The following GDA variants were observed in gnomAD, a reference collection of about 807,000 sequenced individuals.
The protein encoded by GDA is cytoplasmic PSD-95 interactor.
In GDA, 18 loss-of-function variants were observed where a neutral mutation model predicts 59.6. That is an observed-to-expected ratio of 0.30 (90% CI 0.21 to 0.45). The LOEUF is 0.45. GDA is among the 20% of genes least tolerant of loss of function. GDA has a pLI of 1.00. For synonymous variants in GDA, 201 were observed against 201.1 expected (o/e 1.00, Z 0.00); for missense variants, 427 against 552.3 (o/e 0.77, Z 2.27).
chr9:72,179,943 A>G (rs1399259588), intron 1 of GDA, among the ~76,000 whole-genome samples: 1 of 151,544 alleles, frequency 6.6e-6, no homozygotes, highest in Non-Finnish European at 1.5e-5. Context: ...TAAAGATGTT[A>G]TCTCTAAATA....
intron 1 of GDA, among the ~76,000 whole-genome samples, chr9:72,164,827 C>CAA (rs1207256639): frequency 7.2e-6 from 1 of 138,700 alleles, no homozygotes; most frequent in Non-Finnish European, 1.6e-5. Context: ...ACTAAAAATA[C>CAA]AAAAAAAAAA....
At chr9:72,165,012 G>A (rs1423762983) in intron 1 of GDA, among the ~76,000 whole-genome samples, 3 of 149,258 alleles carry the variant, frequency 2.0e-5, no homozygotes, top group Admixed American at 6.7e-5. Context: ...AAAATGCTCT[G>A]GCTGTCCTCT....
intron 1 of GDA, among the ~76,000 whole-genome samples, chr9:72,160,161 T>C (rs923572978): frequency 2.6e-5 from 4 of 151,640 alleles, no homozygotes; most frequent in African/African-American, 9.7e-5. Flanking sequence ...TGAAAAAAAA[T>C]TAGCTGGGCA....
In GDA at chr9:72,133,299, A is replaced by AAT. The variant is rs1554722397; in HGVS notation, c.-100+18467_-100+18468insTA. The stretch of plus-strand genomic sequence containing the variant: ...GCAAGACTCTGTCTAAAAAAAAAAA[A>AAT]AAAAAAAAAAATAATAATAATAATA... On this transcript the variant is annotated intron_variant, in intron 1 of 13. Coordinates refer to the GDA transcript ENST00000545168. 8.1e-3 allele frequency among the ~76,000 whole-genome samples: 628 copies of AAT among 77,800 alleles called. 9 individuals carry two copies. Among genetic ancestry groups the AAT allele is most frequent in the African/African-American group, 0.035 (581 of 16,824 alleles). 51.0% of individuals were successfully genotyped at this position (77,800 alleles called of 152,430 possible).
At chr9:72,176,001 T>A (rs1207134373) in intron 1 of GDA, among the ~76,000 whole-genome samples, 1 of 152,086 alleles carries the variant, frequency 6.6e-6, no homozygotes, top group Non-Finnish European at 1.5e-5. Flanking sequence ...GAAACAACAA[T>A]AAAAATGTAT....
chr9:72,200,958 A>G (rs370727996), intron 2 of GDA, among the ~76,000 whole-genome samples: 191 of 152,290 alleles, frequency 1.3e-3, no homozygotes, highest in African/African-American at 4.4e-3. Context: ...CTTTTTTTCA[A>G]GCTACATAAA....
rs1564217764 is a variant in GDA, at chr9:72,250,588, T to C, written c.*2246T>C. ...TGTTCCTGAATGTTATGTATGCTTTTTTTTCTGTACCACAGGCATTATCTA... is the reference window on the plus strand; with the variant it reads ...TGTTCCTGAATGTTATGTATGCTTTCTTTTCTGTACCACAGGCATTATCTA... On this transcript the variant is annotated 3_prime_UTR_variant, in exon 14 of 14. Coordinates refer to ENST00000358399, the MANE Select transcript of GDA (RefSeq NM_004293.5). 6 of 1,499,026 alleles carry C rather than the reference T, an allele frequency of 4.0e-6. No individual in the cohort carries two copies. In the East Asian group the frequency reaches 1.4e-4, roughly 36 times the overall value. 92.9% of individuals were successfully genotyped at this position (1,499,026 alleles called of 1,614,324 possible).
At chr9:72,218,971 C>T (rs1485790001) in intron 5 of GDA, among the ~76,000 whole-genome samples, 1 of 152,188 alleles carries the variant, frequency 6.6e-6, no homozygotes, top group East Asian at 1.9e-4. Context: ...CACTCCATCT[C>T]TGGCTGCAAG....
chr9:72,158,630 T>TA (rs1202265867), intron 1 of GDA, among the ~76,000 whole-genome samples: 2 of 152,030 alleles, frequency 1.3e-5, no homozygotes, highest in African/African-American at 4.8e-5. Flanking sequence ...AGCACCTTGA[T>TA]AGAGTTGTGA....
intron 1 of GDA, among the ~76,000 whole-genome samples, chr9:72,116,358 C>T (rs1825442557): frequency 6.6e-6 from 1 of 151,256 alleles, no homozygotes; most frequent in Non-Finnish European, 1.5e-5. Flanking sequence ...GGCTAAATGA[C>T]TCTACACCTC....
intron 1 of GDA, among the ~76,000 whole-genome samples, chr9:72,116,167 G>A (rs914587954): frequency 2.0e-5 from 3 of 151,872 alleles, no homozygotes; most frequent in African/African-American, 7.3e-5. Flanking sequence ...CTGGGAGGGG[G>A]AGGTTGCGGT....
At position 72,137,612 on chromosome 9, in the gene GDA, T is replaced by C. The variant is rs1369167246; in HGVS notation, c.-100+22779T>C. ...GTGCTTCTAGAAGCTCAAAGATCAC[T>C]GAACATTTAAGATCCTATAACTGAG... On this transcript the variant is annotated intron_variant, in intron 1 of 13. Transcript: ENST00000545168. Among the ~76,000 whole-genome samples the C allele has an allele frequency of 2.0e-5, 3 of 152,170 alleles. No homozygotes were observed. In the East Asian group the frequency reaches 5.8e-4, roughly 29 times the overall value.
At position 72,245,149 on chromosome 9, in the gene GDA, C is replaced by T. The variant is rs534339068; in HGVS notation, c.1137C>T (p.Ala379=). The T allele has an allele frequency of 1.9e-6, 3 of 1,613,560 alleles. No homozygotes were observed. The highest frequency in any genetic ancestry group is 1.3e-5 in the African/African-American group (1 of 74,966). ...TGTTTATTCACTTGTTCTCAATAGC[C>T]CTGGGGCTGGATGGTGAGATTGGAA... ...FRLATLGGSQ[A]LGLDGEIGNF... is the part of the protein sequence containing the mutation. The change falls in exon 12 of 14, where the codon GCC becomes GCT. Residue 379 remains alanine (A), a splice_region_variant and synonymous_variant. Coordinates refer to ENST00000358399, the MANE Select transcript of GDA (RefSeq NM_004293.5).
At chr9:72,140,334 C>T (rs557923510) in intron 1 of GDA, among the ~76,000 whole-genome samples, 24 of 151,994 alleles carry the variant, frequency 1.6e-4, no homozygotes, top group African/African-American at 5.1e-4. Flanking sequence ...AGGAGGGAGA[C>T]GTCAGAGAAT....
intron 1 of GDA, among the ~76,000 whole-genome samples, chr9:72,126,292 T>G (rs1280404150): frequency 2.6e-5 from 4 of 152,226 alleles, no homozygotes; most frequent in African/African-American, 7.2e-5. Context: ...GTACTTAGTT[T>G]GTTCGTTTAT....
At chr9:72,163,680 G>A (rs539758151) in intron 1 of GDA, among the ~76,000 whole-genome samples, 3 of 152,074 alleles carry the variant, frequency 2.0e-5, no homozygotes, top group African/African-American at 4.8e-5. Flanking sequence ...TTTTGGTAGA[G>A]ATGGGGTTTC....
chr9:72,231,411 A>G (rs1838334311), intron 10 of GDA, among the ~76,000 whole-genome samples: 1 of 152,006 alleles, frequency 6.6e-6, no homozygotes, highest in African/African-American at 2.4e-5. Context: ...CTAAAATACA[A>G]AAAAATAGCC....
chr9:72,186,892 A>G (rs1190095941), intron 1 of GDA, among the ~76,000 whole-genome samples: 1 of 152,062 alleles, frequency 6.6e-6, no homozygotes, highest in Non-Finnish European at 1.5e-5. Context: ...TTATCTCTCC[A>G]TTGGAACCCA....
At chr9:72,227,740 T>C (rs1317091972) in intron 8 of GDA, among the ~76,000 whole-genome samples, 1 of 152,228 alleles carries the variant, frequency 6.6e-6, no homozygotes, top group African/African-American at 2.4e-5. Context: ...CCTGAGACTT[T>C]CGTAAGACAA....
Sources: gnomAD v4.1 joint callset for allele counts (sites outside exome capture counted in the v4.1 genomes callset) on GRCh38, gnomAD v4.1.1 for gene constraint, MANE v1.5 for transcripts, NCBI Gene and HGNC (gene_info 2026-07-23, HGNC 2026-07-21) for gene names.